ZNF439: variants seen among roughly 807,000 people sequenced by gnomAD.
ZNF439 encodes zinc finger protein 439.
Under a neutral mutation model 47.3 loss-of-function variants are expected in ZNF439, and 40 were observed. The observed-to-expected ratio is 0.85, with a 90% confidence interval of 0.66 to 1.10. The LOEUF is 1.10. Ranked by LOEUF, ZNF439 falls within the 50% of genes least tolerant of loss-of-function variation. The probability of loss-of-function intolerance (pLI) is 0.00; values close to 1 mark genes in which losing one functional copy is unlikely to be tolerated. For missense variants in ZNF439, 556 were observed against 601.1 expected (o/e 0.93, Z 0.78); for synonymous variants, 171 against 198.8 (o/e 0.86, Z 1.18).
rs1012929621 is a variant in ZNF439, at chr19:11,849,200, G to A, written c.63+270G>A. 263 of 1,071,426 alleles carry A rather than the reference G, an allele frequency of 2.5e-4. 1 individual carries two copies. Among genetic ancestry groups the A allele is most frequent in the Admixed American group, 2.1e-4 (4 of 19,348 alleles). 66.4% of individuals were successfully genotyped at this position (1,071,426 alleles called of 1,614,324 possible). On this transcript the variant is annotated intron_variant, in intron 1 of 3. Coordinates refer to ENST00000682736, the MANE Select transcript of ZNF439 (RefSeq NM_001348719.2). The stretch of plus-strand genomic sequence containing the variant: ...GCCCGACGCCCCAGCTTGTGCGGGG[G>A]CCACGGGAGGGTCATGCGCGGATTT...
rs59080807 is a variant in ZNF439 at position 11,851,662 on chromosome 19, ATTT to A, written c.63+2745_63+2747del. Reference sequence around the variant, plus strand: ...CTGATGTATGAGGTACAATAATTTAATTTTTTTTTTTTTTTGAGGCAATGTCTT... The same window carrying A: ...CTGATGTATGAGGTACAATAATTTAATTTTTTTTTTTTGAGGCAATGTCTT... On this transcript the variant is annotated intron_variant, in intron 1 of 3. Transcript: ENST00000682736. 3.1e-4 allele frequency among the ~76,000 whole-genome samples: 45 copies of A among 145,926 alleles called. 1 individual carries two copies. In the South Asian group the frequency reaches 8.9e-3, roughly 29 times the overall value.
rs141516876 is a variant in ZNF439 at position 11,867,543 on chromosome 19, G to A, written c.489G>A (p.Trp163Ter). ...GTCAGGAATATGGACCAAAGCCATG[G>A]AAGAGTCAACAACCTAAAAAAGCCT... ...CECQEYGPKP[W>*]KSQQPKKAFR... Residue 163 changes from tryptophan (W) to a stop codon, truncating the protein, a stop_gained, in exon 4 of 4, where the codon TGG (tryptophan) becomes TGA (stop). Transcript: ENST00000682736. LOFTEE classifies it high-confidence loss of function. 4 of 1,614,054 alleles carry A rather than the reference G, an allele frequency of 2.5e-6. No individual in the cohort carries two copies. In the South Asian group the frequency reaches 4.4e-5, roughly 18 times the overall value.
chr19:11,851,720 C>T (rs920849636), intron 1 of ZNF439, among the ~76,000 whole-genome samples: 2 of 151,408 alleles, frequency 1.3e-5, no homozygotes, highest in African/African-American at 4.9e-5. Context: ...AGCAGTGGTG[C>T]CATCACGGCT....
At chr19:11,855,364 C>T (rs144883877) in intron 1 of ZNF439, among the ~76,000 whole-genome samples, 1 of 152,104 alleles carries the variant, frequency 6.6e-6, no homozygotes, top group East Asian at 1.9e-4. Context: ...ACAGGTGGGG[C>T]GACTGGGCCG....
intron 1 of ZNF439, among the ~76,000 whole-genome samples, chr19:11,861,812 A>G (rs1013641775): frequency 8.5e-5 from 13 of 152,160 alleles, no homozygotes; most frequent in Admixed American, 8.5e-4. Flanking sequence ...CCTCTATGTG[A>G]AATGTTCAGG....
rs28439840 is a variant in ZNF439 at position 11,866,024 on chromosome 19, A to T, written c.64-181A>T. On this transcript the variant is annotated intron_variant, in intron 1 of 3. Coordinates refer to ENST00000682736, the MANE Select transcript of ZNF439 (RefSeq NM_001348719.2). Reference sequence around the variant, plus strand: ...GAGTGAAATTCTGTCTCAAAAAAATAAAAAAAAAAATTGCTTTATGGAAGA... The same window carrying T: ...GAGTGAAATTCTGTCTCAAAAAAATTAAAAAAAAAATTGCTTTATGGAAGA... 10 of 904,214 alleles carry T rather than the reference A, an allele frequency of 1.1e-5. No homozygotes were observed. The Admixed American group carries it at 1.4e-4, about 12-fold the overall frequency. 56.0% of individuals were successfully genotyped at this position (904,214 alleles called of 1,614,324 possible).
At chr19:11,864,446 C>T (rs890845682) in intron 1 of ZNF439, among the ~76,000 whole-genome samples, 8 of 151,960 alleles carry the variant, frequency 5.3e-5, no homozygotes, top group African/African-American at 1.2e-4. Flanking sequence ...TACAGGCACT[C>T]GCTGCACGCC....
chr19:11,854,216 G>C (rs1032491194), intron 1 of ZNF439, among the ~76,000 whole-genome samples: 4 of 152,218 alleles, frequency 2.6e-5, no homozygotes, highest in African/African-American at 9.7e-5. Context: ...TATGCATCCA[G>C]TTCTGCACGT....
intron 1 of ZNF439, chr19:11,849,226 C>G: frequency 6.7e-6 from 7 of 1,039,706 alleles, no homozygotes; most frequent in Non-Finnish European, 8.1e-6. Flanking sequence ...GCGCGGATTT[C>G]GACTCGGGTG....
At chr19:11,854,722 C>T (rs1293961333) in intron 1 of ZNF439, among the ~76,000 whole-genome samples, 1 of 151,822 alleles carries the variant, frequency 6.6e-6, no homozygotes, top group Non-Finnish European at 1.5e-5. Context: ...CGTGCCACCG[C>T]ACTCAAGCTT....
chr19:11,868,055 A>C lies in ZNF439; in HGVS notation c.1001A>C (p.Lys334Thr), dbSNP rs1976751846. Residue 334 changes from lysine (K) to threonine (T), a missense_variant, in exon 4 of 4, where the codon AAG becomes ACG. Coordinates refer to ENST00000682736, the MANE Select transcript of ZNF439 (RefSeq NM_001348719.2). ...THSRKKLYEC[K>T]QCGKALSSLT... ...TCTAGGAAAAAACTTTATGAATGTA[A>C]GCAGTGTGGGAAAGCATTATCCTCT... 1.2e-6 allele frequency: 2 copies of C among 1,614,094 alleles called. No individual in the cohort carries two copies. The highest frequency in any genetic ancestry group is 1.1e-5 in the South Asian group (1 of 91,092).
At chr19:11,853,545 A>G (rs1241623775) in intron 1 of ZNF439, among the ~76,000 whole-genome samples, 1 of 152,176 alleles carries the variant, frequency 6.6e-6, no homozygotes, top group African/African-American at 2.4e-5. Flanking sequence ...GATAACCTCA[A>G]GCAGCACAGC....
At chr19:11,866,068 A>T in intron 1 of ZNF439, 137 bp from the exon 2 acceptor site, 1 of 1,527,320 alleles carries the variant, frequency 6.5e-7, no homozygotes, top group Non-Finnish European at 8.7e-7. Context: ...ATAGACAGAG[A>T]GAAAGGGATC....
chr19:11,856,599 T>C (rs901409822), intron 1 of ZNF439: 1 of 152,272 alleles, frequency 6.6e-6, no homozygotes, highest in South Asian at 2.1e-4. Flanking sequence ...CAAATTTCAT[T>C]TGGAGCCAAG....
At position 11,868,455 on chromosome 19, in the gene ZNF439, A is replaced by G; in HGVS notation, c.1401A>G (p.Gly467=). 6.2e-7 allele frequency: 1 copy of G among 1,613,962 alleles called. No individual in the cohort carries two copies. The highest frequency in any genetic ancestry group is 8.5e-7 in the Non-Finnish European group (1 of 1,179,956). The part of the protein sequence containing the change: ...QLRIHRRIHT[G]EKPYECKKCG... Reference sequence around the variant, plus strand: ...GAATCCATCGTAGGATTCACACTGGAGAGAAACCCTATGAATGTAAGAAAT... The same window carrying G: ...GAATCCATCGTAGGATTCACACTGGGGAGAAACCCTATGAATGTAAGAAAT... The change falls in exon 4 of 4, where the codon GGA becomes GGG. Residue 467 remains glycine, a synonymous_variant. Coordinates refer to ENST00000682736, the MANE Select transcript of ZNF439 (RefSeq NM_001348719.2).
chr19:11,850,647 G>A (rs1321041762), intron 1 of ZNF439: 1 of 152,120 alleles, frequency 6.6e-6, no homozygotes, highest in African/African-American at 2.4e-5. Context: ...GAAAAAAGAG[G>A]TCCTGATCAG....
At position 11,867,543 on chromosome 19, in the gene ZNF439, G is replaced by T. The variant is rs141516876; in HGVS notation, c.489G>T (p.Trp163Cys). ...CECQEYGPKP[W>C]KSQQPKKAFR... ...GTCAGGAATATGGACCAAAGCCATG[G>T]AAGAGTCAACAACCTAAAAAAGCCT... Residue 163 changes from tryptophan to cysteine, a missense_variant, in exon 4 of 4, where the codon TGG becomes TGT. By Grantham distance (215) the Trp-to-Cys change is radical. Coordinates refer to ENST00000682736, the MANE Select transcript of ZNF439 (RefSeq NM_001348719.2). 6 of 1,614,054 alleles carry T rather than the reference G, an allele frequency of 3.7e-6. No homozygotes were observed. In the African/African-American group the frequency reaches 5.3e-5, roughly 14 times the overall value.
At position 11,848,796 on chromosome 19, in the gene ZNF439, G is replaced by C; in HGVS notation, c.-72G>C. The C allele has an allele frequency of 7.0e-7, 1 of 1,422,090 alleles. No homozygotes were observed. 88.1% of individuals were successfully genotyped at this position (1,422,090 alleles called of 1,614,324 possible). On this transcript the variant is annotated 5_prime_UTR_variant, in exon 1 of 4. Transcript: ENST00000682736. Reference sequence around the variant, plus strand: ...TTGTCGCTGCGAGGGCGGCGGTTGGGATCTGGCCTTTCCAGCCCCGAGAGG... The same window carrying C: ...TTGTCGCTGCGAGGGCGGCGGTTGGCATCTGGCCTTTCCAGCCCCGAGAGG...
At chr19:11,854,249 A>G (rs1220538870) in intron 1 of ZNF439, among the ~76,000 whole-genome samples, 7 of 152,236 alleles carry the variant, frequency 4.6e-5, no homozygotes, top group Admixed American at 2.6e-4. Context: ...GAATAGAACT[A>G]TGCAAAGTGA....
Sources: gnomAD v4.1 joint callset for allele counts (sites outside exome capture counted in the v4.1 genomes callset) on GRCh38, gnomAD v4.1.1 for gene constraint, MANE v1.5 for transcripts, NCBI Gene and HGNC (gene_info 2026-07-23, HGNC 2026-07-21) for gene names.